The following SPHKAP variants were observed in gnomAD, a reference collection of about 807,000 sequenced individuals.
SPHKAP encodes the protein SPHK1 interactor, AKAP domain containing, also known as A-kinase anchor protein SPHKAP.
In SPHKAP, 67 loss-of-function variants were observed where a neutral mutation model predicts 137.5. The observed-to-expected ratio is 0.49, with a 90% CI of 0.40 to 0.60. The LOEUF is 0.60. Among genes scored for constraint, SPHKAP ranks in the 20% least tolerant of loss-of-function variants. The pLI is 0.00. For missense variants in SPHKAP, 2,097 were observed against 2,069.3 expected (o/e 1.01, Z -0.26); for synonymous variants, 813 against 785.3 (o/e 1.04, Z -0.59).
intron 3 of SPHKAP, among the ~76,000 whole-genome samples, chr2:228,075,133 A>T (rs1220354822): frequency 6.6e-6 from 1 of 152,226 alleles, no homozygotes; most frequent in Non-Finnish European, 1.5e-5. Context: ...GAACATAATT[A>T]TGAAAAAAAT....
intron 1 of SPHKAP, among the ~76,000 whole-genome samples, chr2:228,177,470 C>G (rs756401822): frequency 3.3e-5 from 5 of 152,132 alleles, no homozygotes. Context: ...GGCAGTATTT[C>G]GTACTTGTCC....
chr2:228,125,344 G>A (rs1423247802), intron 2 of SPHKAP, among the ~76,000 whole-genome samples: 4 of 152,152 alleles, frequency 2.6e-5, no homozygotes, highest in African/African-American at 9.7e-5. Flanking sequence ...CACATTGCAT[G>A]CTACATTTAC....
At chr2:228,139,301 A>G (rs1459517825) in intron 1 of SPHKAP, among the ~76,000 whole-genome samples, 1 of 152,154 alleles carries the variant, frequency 6.6e-6, no homozygotes, top group African/African-American at 2.4e-5. Context: ...GCAACTCTAA[A>G]TCTATCAGAT....
chr2:228,044,632 A>C (rs1695965952), intron 3 of SPHKAP, among the ~76,000 whole-genome samples: 1 of 152,234 alleles, frequency 6.6e-6, no homozygotes. Flanking sequence ...GAATTCTGCA[A>C]ACTATAGTTG....
chr2:227,995,703 G>C lies in SPHKAP; in HGVS notation c.4449-9C>G. 6.4e-7 allele frequency: 1 copy of C among 1,563,524 alleles called. No homozygotes were observed. ...TGGTATCAAGGCTGTCACTGTAGAG[G>C]GCAAGATATTATTACCAAGAGAGGC... On this transcript the variant is annotated splice_polypyrimidine_tract_variant and intron_variant, in intron 7 of 11. Coordinates refer to ENST00000392056, the MANE Select transcript of SPHKAP (RefSeq NM_001142644.2).
intron 1 of SPHKAP, among the ~76,000 whole-genome samples, chr2:228,144,367 C>A (rs1373469730): frequency 1.3e-5 from 2 of 152,050 alleles, no homozygotes; most frequent in Non-Finnish European, 2.9e-5. Flanking sequence ...TGGTTTTCCA[C>A]GATGTAGTTC....
At chr2:228,165,007 T>A (rs149369070) in intron 1 of SPHKAP, among the ~76,000 whole-genome samples, 1 of 152,356 alleles carries the variant, frequency 6.6e-6, no homozygotes, top group Non-Finnish European at 1.5e-5. Context: ...TTATTGCATT[T>A]CAGCTGATAT....
intron 1 of SPHKAP, among the ~76,000 whole-genome samples, chr2:228,155,587 C>G (rs1460215358): frequency 6.6e-6 from 1 of 152,128 alleles, no homozygotes; most frequent in African/African-American, 2.4e-5. Context: ...CGAGGCTGAG[C>G]AGATGAGGAG....
At position 228,017,214 on chromosome 2, in the gene SPHKAP, G is replaced by C. The variant is rs745884660; in HGVS notation, c.3640C>G (p.Arg1214Gly). ...CCGGCTGTCCAATCCTGGCTGCTCC[G>C]TCTGGAGGAGGCACTTTCTCTGCTG... ...RDSRESASSR[R>G]SSQDWTAGLL... is the part of the protein sequence containing the mutation. The change falls in exon 7 of 12, where the codon CGG becomes GGG. Residue 1214 changes from arginine (R) to glycine (G), a missense_variant. Transcript: ENST00000392056. 1.9e-6 allele frequency: 3 copies of C among 1,613,834 alleles called. No homozygotes were observed. The highest frequency in any genetic ancestry group is 1.7e-6 in the Non-Finnish European group (2 of 1,180,026).
chr2:228,153,216 C>T (rs1699993130), intron 1 of SPHKAP, among the ~76,000 whole-genome samples: 1 of 152,130 alleles, frequency 6.6e-6, no homozygotes, highest in Non-Finnish European at 1.5e-5. Flanking sequence ...ACCCTCCTAA[C>T]TTACATTATT....
intron 6 of SPHKAP, among the ~76,000 whole-genome samples, chr2:228,020,731 TAAATAA>T (rs966170934): frequency 2.6e-5 from 4 of 152,010 alleles, no homozygotes; most frequent in African/African-American, 9.7e-5. Context: ...ATAAAATAAA[TAAATAA>T]AAATAAAGCA....
intron 3 of SPHKAP, among the ~76,000 whole-genome samples, chr2:228,054,857 CTT>C (rs1252265558): frequency 2.6e-5 from 1 of 37,906 alleles, no homozygotes; most frequent in Non-Finnish European, 4.8e-5. Flanking sequence ...GGAGTGAAAA[CTT>C]ATGATATAAA....
Position 228,016,943 on chromosome 2 carries a change from ATGT to A in SPHKAP, c.3908_3910del (p.Asn1303del). On this transcript the variant is annotated inframe_deletion, in exon 7 of 12. Coordinates refer to ENST00000392056, the MANE Select transcript of SPHKAP (RefSeq NM_001142644.2). ...GCTAGCCCACGTTTCATGAATTAAC[ATGT>A]TGGTGATGTGGTCAGTCCCACCTCT... The A allele has an allele frequency of 3.1e-6, 5 of 1,614,102 alleles. No homozygotes were observed. The highest frequency in any genetic ancestry group is 4.2e-6 in the Non-Finnish European group (5 of 1,179,996).
At chr2:228,069,378 C>T (rs1208172468) in intron 3 of SPHKAP, among the ~76,000 whole-genome samples, 2 of 152,000 alleles carry the variant, frequency 1.3e-5, no homozygotes, top group African/African-American at 4.8e-5. Context: ...TGCACTGTAC[C>T]TTGTATACAG....
chr2:228,093,830 A>C, intron 3 of SPHKAP, among the ~76,000 whole-genome samples: 1 of 126,046 alleles, frequency 7.9e-6, no homozygotes, highest in African/African-American at 3.0e-5. Context: ...ATTGCACTCC[A>C]GCCTGGGCGA....
chr2:228,078,789 G>A (rs1165474035), intron 3 of SPHKAP, among the ~76,000 whole-genome samples: 1 of 152,170 alleles, frequency 6.6e-6, no homozygotes, highest in African/African-American at 2.4e-5. Context: ...AGAGTGGAGA[G>A]AGATACCCAC....
chr2:228,025,126 C>T (rs147278372), intron 5 of SPHKAP, among the ~76,000 whole-genome samples: 22 of 152,280 alleles, frequency 1.4e-4, no homozygotes, highest in African/African-American at 5.1e-4. Flanking sequence ...GCTAAGTAAC[C>T]AATGCCTACT....
intron 1 of SPHKAP, among the ~76,000 whole-genome samples, chr2:228,173,445 G>A (rs1700647175): frequency 6.6e-6 from 1 of 152,092 alleles, no homozygotes; most frequent in African/African-American, 2.4e-5. Flanking sequence ...AGATTATGCT[G>A]GATTATCTAG....
chr2:228,151,257 A>G (rs924963230), intron 1 of SPHKAP, among the ~76,000 whole-genome samples: 9 of 152,070 alleles, frequency 5.9e-5, no homozygotes, highest in African/African-American at 1.9e-4. Context: ...TACAAAGGAC[A>G]TGAACTCATC....
Sources: gnomAD v4.1 joint callset for allele counts (sites outside exome capture counted in the v4.1 genomes callset) on GRCh38, gnomAD v4.1.1 for gene constraint, MANE v1.5 for transcripts, NCBI Gene and HGNC (gene_info 2026-07-23, HGNC 2026-07-21) for gene names.